DNAH9: variants seen among roughly 807,000 people sequenced by gnomAD.
The protein encoded by DNAH9 is DNAH9 variant protein.
In DNAH9, 345 loss-of-function variants were observed where a neutral mutation model predicts 471.6. The ratio of observed to expected loss-of-function variants is 0.73; its 90% CI spans 0.67 to 0.80. The LOEUF (loss-of-function observed/expected upper bound fraction) is 0.80, where lower values mean the gene tolerates loss of function less well. DNAH9 is among the 30% of genes least tolerant of loss of function. DNAH9 has a pLI of 0.00. For missense variants in DNAH9, 5,407 were observed against 5,609.2 expected (o/e 0.96, Z 1.15); for synonymous variants, 2,093 against 2,123.6 (o/e 0.99, Z 0.40).
At chr17:11,702,830 C>A (rs544684964) in intron 24 of DNAH9, among the ~76,000 whole-genome samples, 2 of 152,056 alleles carry the variant, frequency 1.3e-5, no homozygotes, top group Non-Finnish European at 2.9e-5. Context: ...TGATGGCTCA[C>A]GCCTGTAATC....
intron 22 of DNAH9, 22 bp downstream of exon 22, chr17:11,694,469 A>C: frequency 6.2e-7 from 1 of 1,613,222 alleles, no homozygotes; most frequent in Non-Finnish European, 8.5e-7. Context: ...GAGCATCTGC[A>C]GAAAGGTCTA....
chr17:11,816,800 C>G (rs755395933), intron 45 of DNAH9, among the ~76,000 whole-genome samples: 2 of 152,184 alleles, frequency 1.3e-5, no homozygotes, highest in Non-Finnish European at 2.9e-5. Context: ...TAGAATATTT[C>G]AATACTATTT....
chr17:11,631,278 A>C (rs989630502), intron 7 of DNAH9, among the ~76,000 whole-genome samples: 2 of 152,176 alleles, frequency 1.3e-5, no homozygotes, highest in Non-Finnish European at 2.9e-5. Flanking sequence ...ATTACTGGAG[A>C]AGGAATTTTA....
In DNAH9 at chr17:11,897,151, A is replaced by C. The variant is rs148271255; in HGVS notation, c.11406+2655A>C. On this transcript the variant is annotated intron_variant, in intron 59 of 68. Coordinates refer to ENST00000262442, the MANE Select transcript of DNAH9 (RefSeq NM_001372.4). Reference sequence around the variant, plus strand: ...TTTAAGCCAATACAGCCAAAATATTATCTCAATATGCAGTTGTTATAAAAT... The same window carrying C: ...TTTAAGCCAATACAGCCAAAATATTCTCTCAATATGCAGTTGTTATAAAAT... Among the ~76,000 whole-genome samples, 656 of 152,368 alleles carry C rather than the reference A, an allele frequency of 4.3e-3. 4 individuals carry two copies. The highest frequency in any genetic ancestry group is 7.1e-3 in the Non-Finnish European group (483 of 68,036).
At position 11,669,709 on chromosome 17, in the gene DNAH9, C is replaced by G; in HGVS notation, c.3268C>G (p.Arg1090Gly). The G allele has an allele frequency of 6.2e-7, 1 of 1,614,108 alleles. No homozygotes were observed. The highest frequency in any genetic ancestry group is 1.1e-5 in the South Asian group (1 of 91,080). The change falls in exon 17 of 69, where the codon CGA becomes GGA. Residue 1090 changes from arginine to glycine, a missense_variant. Coordinates refer to ENST00000262442, the MANE Select transcript of DNAH9 (RefSeq NM_001372.4). ...VFDGWMKIDI[R>G]PFKASLLNII... The stretch of plus-strand genomic sequence containing the variant: ...TGACGGCTGGATGAAAATTGATATT[C>G]GACCCTTTAAGGCATCTCTGCTGAA...
rs565014437 is a variant in DNAH9, at chr17:11,600,828, A to G, written c.417+1913A>G. The stretch of plus-strand genomic sequence containing the variant: ...TTTTTCCTTGTGGCAAAAAAAACAC[A>G]TGACGTAAAATTCACCCAACAATTT... On this transcript the variant is annotated intron_variant, in intron 1 of 68. Coordinates refer to ENST00000262442, the MANE Select transcript of DNAH9 (RefSeq NM_001372.4). Among the ~76,000 whole-genome samples, 8 of 152,356 alleles carry G rather than the reference A, an allele frequency of 5.3e-5. No homozygotes were observed. In the East Asian group the frequency reaches 1.5e-3, roughly 29 times the overall value.
Position 11,693,917 on chromosome 17 carries a change from A to T in DNAH9, c.4664A>T (p.Tyr1555Phe), listed in dbSNP as rs766491000. 44 of 1,614,032 alleles carry T rather than the reference A, an allele frequency of 2.7e-5. No homozygotes were observed. The highest frequency in any genetic ancestry group is 3.5e-5 in the Non-Finnish European group (41 of 1,180,008). The change falls in exon 21 of 69, where the codon TAT (tyrosine) becomes TTT (phenylalanine). Residue 1555 changes from tyrosine to phenylalanine, a missense_variant. Around this residue, in one of 3 missense-constraint regions of DNAH9, gnomAD observed 4,636 missense variants for 4,900.3 expected, o/e 0.95. Coordinates refer to ENST00000262442, the MANE Select transcript of DNAH9 (RefSeq NM_001372.4). ...GACATTGACTTTAAAGAGCTAGCTT[A>T]TGATGCCCAGAAAATTCCAAATGTA... The part of the protein sequence containing the change: ...GIDIDFKELA[Y>F]DAQKIPNVVQ...
At chr17:11,965,759 C>G in intron 68 of DNAH9, among the ~76,000 whole-genome samples, 1 of 151,694 alleles carries the variant, frequency 6.6e-6, no homozygotes, top group East Asian at 1.9e-4. Context: ...ATAGAGAATA[C>G]AGAGAGAAAA....
rs767629297 is a variant in DNAH9, at chr17:11,962,028, G to A, written c.13005G>A (p.Thr4335=). 4.3e-6 allele frequency: 7 copies of A among 1,613,990 alleles called. No individual in the cohort carries two copies. Among genetic ancestry groups the A allele is most frequent in the Admixed American group, 1.7e-5 (1 of 59,986 alleles). Residue 4335 remains threonine, a synonymous_variant, in exon 68 of 69, where the codon ACG becomes ACA. Transcript: ENST00000262442. This position sits in a 1 kb window ranked among gnomAD's most constrained non-coding sequence, Gnocchi z 4.1. Reference sequence around the variant, plus strand: ...GAATCAAGGAGCTAGAGGCTTGGACGGGTGACTTTACAATGCCCTCCACTG... The same window carrying A: ...GAATCAAGGAGCTAGAGGCTTGGACAGGTGACTTTACAATGCCCTCCACTG... ...LNRIKELEAW[T]GDFTMPSTVW... is the part of the protein sequence containing the mutation.
At chr17:11,908,111 T>C (rs552201459) in intron 61 of DNAH9, among the ~76,000 whole-genome samples, 1 of 152,226 alleles carries the variant, frequency 6.6e-6, no homozygotes, top group African/African-American at 2.4e-5. Context: ...GAGGTATTGG[T>C]TCCAGTCCTT....
chr17:11,924,653 T>C (rs1055661968), intron 62 of DNAH9, among the ~76,000 whole-genome samples: 1 of 146,300 alleles, frequency 6.8e-6, no homozygotes, highest in African/African-American at 2.5e-5. Context: ...AGATGGAGTC[T>C]TGCTCTGTCG....
chr17:11,727,301 A>G (rs943558367), intron 27 of DNAH9, among the ~76,000 whole-genome samples: 2 of 151,606 alleles, frequency 1.3e-5, no homozygotes, highest in African/African-American at 4.9e-5. Context: ...GAAAAGATTT[A>G]CCTTTAGTTT....
At chr17:11,955,929 ATTGT>A (rs528277890) in intron 67 of DNAH9, among the ~76,000 whole-genome samples, 10 of 152,200 alleles carry the variant, frequency 6.6e-5, no homozygotes, top group Admixed American at 1.3e-4. Context: ...TGTAAACCAA[ATTGT>A]TTGCACAGTC....
intron 5 of DNAH9, among the ~76,000 whole-genome samples, chr17:11,619,305 T>C (rs975257079): frequency 2.6e-5 from 4 of 152,194 alleles, no homozygotes; most frequent in East Asian, 1.9e-4. Flanking sequence ...CAAAGTCTCA[T>C]TGTGTTTCCT....
intron 10 of DNAH9, among the ~76,000 whole-genome samples, chr17:11,643,489 T>C (rs1854656362): frequency 6.6e-6 from 1 of 152,236 alleles, no homozygotes. Context: ...ACCTGGCATA[T>C]AGTGTTATAG....
rs951567661 is a variant in DNAH9, at chr17:11,918,842, C to T, written c.11750-4972C>T. 1.1e-4 allele frequency among the ~76,000 whole-genome samples: 16 copies of T among 152,044 alleles called. 1 individual carries two copies. The highest frequency in any genetic ancestry group is 1.0e-3 in the Admixed American group (16 of 15,272). On this transcript the variant is annotated intron_variant, in intron 61 of 68. Coordinates refer to ENST00000262442, the MANE Select transcript of DNAH9 (RefSeq NM_001372.4). The stretch of plus-strand genomic sequence containing the variant: ...CTCTACTAAAAATACAAAAATTAGC[C>T]GGGAGTGGTGGCACGTGCCTGTAAT...
chr17:11,674,336 C>T (rs191732183), intron 17 of DNAH9, among the ~76,000 whole-genome samples: 69 of 152,276 alleles, frequency 4.5e-4, no homozygotes, highest in Admixed American at 8.5e-4. Flanking sequence ...GCTCTTACAG[C>T]CTAGCATCCT....
At chr17:11,824,023 GTTTA>G (rs1970405987) in intron 48 of DNAH9, among the ~76,000 whole-genome samples, 1 of 152,136 alleles carries the variant, frequency 6.6e-6, no homozygotes, top group African/African-American at 2.4e-5. Context: ...AATGGAACAG[GTTTA>G]TTTCAGTCAA....
chr17:11,836,854 C>G (rs143926477), intron 49 of DNAH9, among the ~76,000 whole-genome samples: 1,802 of 152,334 alleles, frequency 0.012, 31 homozygotes, highest in African/African-American at 0.04. Flanking sequence ...AAGTTCTTTT[C>G]ATACAGGTTT....
Sources: gnomAD v4.1 joint callset for allele counts (sites outside exome capture counted in the v4.1 genomes callset) on GRCh38, gnomAD v4.1.1 for gene constraint, gnomAD v4.1.1 regional missense constraint, Gnocchi (gnomAD v3.1) non-coding constraint, MANE v1.5 for transcripts, NCBI Gene and HGNC (gene_info 2026-07-23, HGNC 2026-07-21) for gene names.